ADPRH: variants seen among roughly 807,000 people sequenced by gnomAD.
ADPRH encodes ADP-ribose-L-arginine cleaving enzyme.
Under a neutral mutation model 28.8 loss-of-function variants are expected in ADPRH, and 27 were observed. The ratio of observed to expected loss-of-function variants is 0.94; its 90% CI spans 0.69 to 1.29. The LOEUF (loss-of-function observed/expected upper bound fraction) is 1.29, where lower values mean the gene tolerates loss of function less well. ADPRH is among the 50% of genes most tolerant of loss of function. The probability of loss-of-function intolerance (pLI) is 0.00; values close to 1 mark genes in which losing one functional copy is unlikely to be tolerated. For synonymous variants in ADPRH, 161 were observed against 166.9 expected (o/e 0.96, Z 0.27); for missense variants, 419 against 444.8 (o/e 0.94, Z 0.52).
chr3:119,584,251 T>C (rs2082436660), intron 3 of ADPRH, among the ~76,000 whole-genome samples: 1 of 152,006 alleles, frequency 6.6e-6, no homozygotes. Context: ...AAAAGAAAAA[T>C]GTATATTTTT....
chr3:119,581,883 C>T (rs941560362), intron 2 of ADPRH, among the ~76,000 whole-genome samples: 2 of 152,024 alleles, frequency 1.3e-5, no homozygotes, highest in African/African-American at 4.8e-5. Context: ...AGCCCTGCCA[C>T]TTATTGGCTC....
intron 4 of ADPRH, 110 bp from the exon 5 acceptor site, chr3:119,587,354 A>G: frequency 1.2e-6 from 1 of 804,346 alleles, no homozygotes; most frequent in Middle Eastern, 2.4e-4. Flanking sequence ...TACTGCAAGA[A>G]GCCGAAGTTA....
At chr3:119,582,929 G>A (rs2082421295) in intron 3 of ADPRH, among the ~76,000 whole-genome samples, 1 of 152,196 alleles carries the variant, frequency 6.6e-6, no homozygotes, top group East Asian at 1.9e-4. Flanking sequence ...CTTCTTATGA[G>A]AATCTAATGT....
Position 119,588,454 on chromosome 3 carries a change from T to A in ADPRH, c.*576T>A, listed in dbSNP as rs2082486084. On this transcript the variant is annotated 3_prime_UTR_variant, in exon 5 of 5. Coordinates refer to ENST00000357003, the MANE Select transcript of ADPRH (RefSeq NM_001125.4). ...AACCTGGGGTATTTATCCACTGACT[T>A]CCATCTGACACTGGTTGAGGACCAC... 1 of 152,218 alleles carries A rather than the reference T, an allele frequency of 6.6e-6. No homozygotes were observed. The highest frequency in any genetic ancestry group is 1.5e-5 in the Non-Finnish European group (1 of 68,068). 9.4% of individuals were successfully genotyped at this position (152,218 alleles called of 1,614,324 possible). A position where few individuals can be genotyped will look rare whatever the true frequency, so the allele number is the denominator to read the frequency against.
At chr3:119,582,975 C>T (rs1289441920) in intron 3 of ADPRH, among the ~76,000 whole-genome samples, 4 of 152,206 alleles carry the variant, frequency 2.6e-5, no homozygotes, top group Admixed American at 1.3e-4. Flanking sequence ...TGTCCCAAAA[C>T]CTCCCCCAAC....
rs1412029157 is a variant in ADPRH, at chr3:119,586,217, T to C, written c.299-68T>C. ...AAAATACTTGGAGACAGAGTTTAGT[T>C]ATTTATTCCTGCTGGGGCCTTTGCT... On this transcript the variant is annotated intron_variant, in intron 3 of 4. Transcript: ENST00000357003. The C allele has an allele frequency of 1.0e-5, 16 of 1,578,722 alleles. No individual in the cohort carries two copies. The Admixed American group carries it at 2.9e-4, about 29-fold the overall frequency.
chr3:119,587,155 C>T (rs544586811), intron 4 of ADPRH, among the ~76,000 whole-genome samples: 20 of 152,198 alleles, frequency 1.3e-4, no homozygotes, highest in African/African-American at 4.6e-4. Flanking sequence ...TGAAGTTCCC[C>T]TTTAAAAGGT....
At chr3:119,585,123 G>T (rs190752650) in intron 3 of ADPRH, among the ~76,000 whole-genome samples, 343 of 152,266 alleles carry the variant, frequency 2.3e-3, no homozygotes, top group African/African-American at 8.0e-3. Context: ...ATACCAAGGG[G>T]CCCTTGTCAC....
Position 119,586,650 on chromosome 3 carries a change from G to T in ADPRH, c.659+5G>T, listed in dbSNP as rs1303409960. On this transcript the variant is annotated splice_donor_5th_base_variant and intron_variant, in intron 4 of 4. Transcript: ENST00000357003. ...AGAGGAAAATCTTCAACACTGGTGA[G>T]TCTGTAAGCGCACGCCCTGCTCAAA... 3 of 1,612,420 alleles carry T rather than the reference G, an allele frequency of 1.9e-6. No individual in the cohort carries two copies.
chr3:119,582,881 T>C (rs2107760005), intron 3 of ADPRH, among the ~76,000 whole-genome samples: 1 of 152,348 alleles, frequency 6.6e-6, no homozygotes, highest in East Asian at 1.9e-4. Context: ...GCCTGAACCC[T>C]GTTGGGAACT....
Position 119,580,884 on chromosome 3 carries a change from C to G in ADPRH, c.-37+248C>G, listed in dbSNP as rs559994029. Among the ~76,000 whole-genome samples, 43 of 152,064 alleles carry G rather than the reference C, an allele frequency of 2.8e-4. 1 individual carries two copies. Among genetic ancestry groups the G allele is most frequent in the African/African-American group, 8.7e-4 (36 of 41,466 alleles). On this transcript the variant is annotated intron_variant, in intron 2 of 4. Transcript: ENST00000357003. ...GGTGGGTATATTATTAATAGAGATT[C>G]GAATTCTCTAGAAGCTGATCATTTC... is the stretch of plus-strand genomic sequence containing the variant.
chr3:119,583,894 C>T (rs1293929474), intron 3 of ADPRH, among the ~76,000 whole-genome samples: 1 of 152,074 alleles, frequency 6.6e-6, no homozygotes, highest in African/African-American at 2.4e-5. Context: ...TCTCCTGCCC[C>T]AGCCTCCCAA....
chr3:119,584,742 G>C (rs2082442463), intron 3 of ADPRH, among the ~76,000 whole-genome samples: 5 of 152,230 alleles, frequency 3.3e-5, no homozygotes, highest in Admixed American at 3.3e-4. Context: ...AAATGGCATA[G>C]ACTGAGTGGC....
chr3:119,581,692 G>A (rs1452466352), intron 2 of ADPRH, among the ~76,000 whole-genome samples: 2 of 152,224 alleles, frequency 1.3e-5, no homozygotes, highest in East Asian at 3.8e-4. Context: ...TACACATTGT[G>A]ACACTAATAG....
intron 3 of ADPRH, among the ~76,000 whole-genome samples, chr3:119,585,699 G>C (rs776137341): frequency 1.3e-5 from 2 of 152,166 alleles, no homozygotes; most frequent in Non-Finnish European, 1.5e-5. Context: ...ACAGGCATGT[G>C]TCACCACGCC....
Position 119,582,253 on chromosome 3 carries a change from G to C in ADPRH, c.84G>C (p.Gln28His). 4 of 1,614,228 alleles carry C rather than the reference G, an allele frequency of 2.5e-6. No homozygotes were observed. The highest frequency in any genetic ancestry group is 3.4e-6 in the Non-Finnish European group (4 of 1,180,044). ...GYYNGKWEFL[Q>H]DGEKIHRQLA... Reference sequence around the variant, plus strand: ...ACAATGGGAAGTGGGAGTTCCTCCAGGATGGGGAGAAGATACACCGGCAGT... The same window carrying C: ...ACAATGGGAAGTGGGAGTTCCTCCACGATGGGGAGAAGATACACCGGCAGT... The change falls in exon 3 of 5, where the codon CAG (glutamine) becomes CAC (histidine). Residue 28 changes from glutamine (Q) to histidine (H), a missense_variant. Coordinates refer to ENST00000357003, the MANE Select transcript of ADPRH (RefSeq NM_001125.4).
Position 119,586,744 on chromosome 3 carries a change from C to T in ADPRH, c.659+99C>T, listed in dbSNP as rs1465259167. The T allele has an allele frequency of 4.0e-6, 6 of 1,511,312 alleles. No homozygotes were observed. The African/African-American group carries it at 4.2e-5, about 11-fold the overall frequency. 93.6% of individuals were successfully genotyped at this position (1,511,312 alleles called of 1,614,324 possible). A position where few individuals can be genotyped will look rare whatever the true frequency, so the allele number is the denominator to read the frequency against. The stretch of plus-strand genomic sequence containing the variant: ...CTTGTATTCAGAGATCACAGCAACC[C>T]TCATGGTTTTCACCCCCAGCCCCCT... On this transcript the variant is annotated intron_variant, in intron 4 of 4. Coordinates refer to ENST00000357003, the MANE Select transcript of ADPRH (RefSeq NM_001125.4).
chr3:119,582,087 C>G, intron 2 of ADPRH, 47 bp from the exon 3 acceptor site: 36 of 633,652 alleles, frequency 5.7e-5, no homozygotes, highest in East Asian at 1.6e-4. Context: ...TTTTCTGATT[C>G]TTCTTGCTCC....
intron 3 of ADPRH, among the ~76,000 whole-genome samples, chr3:119,583,030 G>A (rs181594324): frequency 1.3e-4 from 20 of 152,202 alleles, no homozygotes; most frequent in Non-Finnish European, 1.2e-4. Flanking sequence ...ACCGGTCGCT[G>A]GTGCCAAAAA....
Sources: gnomAD v4.1 joint callset for allele counts (sites outside exome capture counted in the v4.1 genomes callset) on GRCh38, gnomAD v4.1.1 for gene constraint, MANE v1.5 for transcripts, NCBI Gene and HGNC (gene_info 2026-07-23, HGNC 2026-07-21) for gene names.